SACS: variants seen among roughly 807,000 people sequenced by gnomAD.
SACS encodes the protein sacsin.
SACS carries 197 observed loss-of-function variants against 348.0 expected under a neutral mutation model. That is an observed-to-expected ratio of 0.57 (90% CI 0.50 to 0.64). The LOEUF (loss-of-function observed/expected upper bound fraction) is 0.64, where lower values mean the gene tolerates loss of function less well. Ranked by LOEUF, SACS falls within the 30% of genes least tolerant of loss-of-function variation. SACS has a pLI of 0.00. For missense variants in SACS, 4,999 were observed against 5,360.8 expected (o/e 0.93, Z 2.11); for synonymous variants, 1,985 against 1,910.6 (o/e 1.04, Z -1.02).
chr13:23,359,568 A>T (rs1018161580), intron 6 of SACS, among the ~76,000 whole-genome samples: 4 of 152,192 alleles, frequency 2.6e-5, no homozygotes, highest in African/African-American at 9.7e-5. Flanking sequence ...TCAAAAAGTA[A>T]TATTTATAAA....
chr13:23,379,841 G>C (rs1871968369), intron 2 of SACS, among the ~76,000 whole-genome samples: 1 of 152,174 alleles, frequency 6.6e-6, no homozygotes, highest in South Asian at 2.1e-4. Flanking sequence ...CCCAGATATT[G>C]TCTTCTATGA....
chr13:23,356,237 T>G (rs1870381379), intron 7 of SACS, among the ~76,000 whole-genome samples: 1 of 152,256 alleles, frequency 6.6e-6, no homozygotes, highest in Non-Finnish European at 1.5e-5. Context: ...GCATGATTAC[T>G]GTGAAAACCT....
intron 2 of SACS, among the ~76,000 whole-genome samples, chr13:23,398,420 G>C (rs926254963): frequency 6.6e-6 from 1 of 150,778 alleles, no homozygotes; most frequent in South Asian, 2.1e-4. Context: ...TGTAGTTCCA[G>C]CTACTCGGGG....
At position 23,331,657 on chromosome 13, in the gene SACS, A is replaced by T. The variant is rs1007835171; in HGVS notation, c.12219T>A (p.Phe4073Leu). 8.7e-6 allele frequency: 14 copies of T among 1,614,008 alleles called. No individual in the cohort carries two copies. Among genetic ancestry groups the T allele is most frequent in the Non-Finnish European group, 1.2e-5 (14 of 1,179,946 alleles). ...NPIPHSRSETFAFLKRFGNAV... is the reference protein window; with the variant it reads ...NPIPHSRSETLAFLKRFGNAV... ...CATTACCAAATCGCTTCAAAAAAGC[A>T]AAAGTTTCACTTCTGCTGTGGGGAA... Residue 4073 changes from phenylalanine to leucine, a missense_variant, in exon 10 of 10, where the codon TTT (phenylalanine) becomes TTA (leucine). This residue lies in a region of SACS where 831 missense variants were observed against 941.8 expected (regional missense o/e 0.88). Transcript: ENST00000382292.
chr13:23,374,560 T>C (rs1296535139), intron 3 of SACS, among the ~76,000 whole-genome samples: 1 of 152,212 alleles, frequency 6.6e-6, no homozygotes, highest in African/African-American at 2.4e-5. Context: ...TTTTAACCAA[T>C]CTTAAAGAAT....
chr13:23,334,111 T>TA lies in SACS; in HGVS notation c.9764dup (p.Ser3256LysfsTer14). 6.2e-7 allele frequency: 1 copy of TA among 1,613,784 alleles called. No individual in the cohort carries two copies. Among genetic ancestry groups the TA allele is most frequent in the Non-Finnish European group, 8.5e-7 (1 of 1,179,758 alleles). Reference sequence around the variant, plus strand: ...TTTCTTCCTGATCTTCTTTCACACTTACAGATTCACTAATAAAATGCCATG... The same window carrying TA: ...TTTCTTCCTGATCTTCTTTCACACTTAACAGATTCACTAATAAAATGCCATG... On this transcript the variant is annotated frameshift_variant, in exon 10 of 10. Transcript: ENST00000382292. LOFTEE classifies it high-confidence loss of function.
intron 4 of SACS, among the ~76,000 whole-genome samples, chr13:23,369,098 G>C (rs1409595527): frequency 6.6e-6 from 1 of 152,236 alleles, no homozygotes; most frequent in Admixed American, 6.5e-5. Flanking sequence ...GTGGGGAGGA[G>C]TGTTGATATT....
chr13:23,376,525 T>G (rs1871813491), intron 2 of SACS, among the ~76,000 whole-genome samples: 1 of 152,118 alleles, frequency 6.6e-6, no homozygotes, highest in Admixed American at 6.6e-5. Flanking sequence ...GATAATAAAT[T>G]GCCATTTCTC....
In SACS at chr13:23,336,882, T is replaced by C. The variant is rs776464539; in HGVS notation, c.6994A>G (p.Ile2332Val). The C allele has an allele frequency of 2.3e-5, 37 of 1,613,404 alleles. No individual in the cohort carries two copies. Among genetic ancestry groups the C allele is most frequent in the Non-Finnish European group, 3.0e-5 (35 of 1,179,548 alleles). Reference sequence around the variant, plus strand: ...TTATCAATAATTGACATCTTAGTGATTTCATTTTGCATCAAGGCTTCATGA... The same window carrying C: ...TTATCAATAATTGACATCTTAGTGACTTCATTTTGCATCAAGGCTTCATGA... ...YLHEALMQNE[I>V]TKMSIIDKLK... Residue 2332 changes from isoleucine to valine, a missense_variant, in exon 10 of 10, where the codon ATC (isoleucine) becomes GTC (valine). Physicochemically the swap from Ile to Val is conservative, Grantham distance 29 (BLOSUM62 3). This residue lies in a region of SACS where 3,156 missense variants were observed against 3,380.1 expected (regional missense o/e 0.93). Coordinates refer to ENST00000382292, the MANE Select transcript of SACS (RefSeq NM_014363.6).
chr13:23,432,139 C>G (rs1874455420), intron 1 of SACS, among the ~76,000 whole-genome samples: 1 of 152,146 alleles, frequency 6.6e-6, no homozygotes, highest in Non-Finnish European at 1.5e-5. Flanking sequence ...GAGATTGGAA[C>G]CCGGGGCTTC....
chr13:23,329,988 A>G lies in SACS; in HGVS notation c.*148T>C. 1.4e-6 allele frequency: 1 copy of G among 739,258 alleles called. No homozygotes were observed. The highest frequency in any genetic ancestry group is 2.2e-6 in the Non-Finnish European group (1 of 449,024). The allele number at this position is 739,258 out of a possible 1,614,324, so 45.8% of individuals were successfully genotyped here. A position where few individuals can be genotyped will look rare whatever the true frequency, so the allele number is the denominator to read the frequency against. On this transcript the variant is annotated 3_prime_UTR_variant, in exon 10 of 10. Transcript: ENST00000382292. ...CAGTTAAGGTTTTCCGTTGGTATTC[A>G]TGTTCATAACAACTCCAGAATTCTC... is the stretch of plus-strand genomic sequence containing the variant.
intron 8 of SACS, among the ~76,000 whole-genome samples, chr13:23,354,240 T>C (rs1870165756): frequency 6.6e-6 from 1 of 152,212 alleles, no homozygotes; most frequent in African/African-American, 2.4e-5. Context: ...CTTGTTATTA[T>C]TTGCACTTTA....
chr13:23,340,112 A>G lies in SACS; in HGVS notation c.3764T>C (p.Ile1255Thr), dbSNP rs759438466. ...YYQFQHILLE[I>T]YGFMHDHLNE... ...TAGATGATCATGCATGAATCCGTAAATCTCAAGCAAAATATGCTGGAATTG... is the reference window on the plus strand; with the variant it reads ...TAGATGATCATGCATGAATCCGTAAGTCTCAAGCAAAATATGCTGGAATTG... The change falls in exon 10 of 10, where the codon ATT (isoleucine) becomes ACT (threonine). Residue 1255 changes from isoleucine (I) to threonine (T), a missense_variant. Physicochemically the swap from Ile to Thr is moderately conservative, Grantham distance 89 (BLOSUM62 -1). Transcript: ENST00000382292. The G allele has an allele frequency of 3.1e-6, 5 of 1,613,966 alleles. No homozygotes were observed. Among genetic ancestry groups the G allele is most frequent in the Non-Finnish European group, 4.2e-6 (5 of 1,179,968 alleles).
chr13:23,405,858 G>C lies in SACS; in HGVS notation c.20+5362C>G, dbSNP rs112097337. ...ATGAGATACTGTCTCATGCCAGTTAGAATGGTGATCATTAAAAAGTCAGGA... is the reference window on the plus strand; with the variant it reads ...ATGAGATACTGTCTCATGCCAGTTACAATGGTGATCATTAAAAAGTCAGGA... On this transcript the variant is annotated intron_variant, in intron 2 of 9. Transcript: ENST00000382292. 8.7e-3 allele frequency among the ~76,000 whole-genome samples: 1,331 copies of C among 152,296 alleles called. 16 individuals are homozygous for C. The highest frequency in any genetic ancestry group is 0.03 in the African/African-American group (1,262 of 41,552).
chr13:23,351,754 G>A (rs996047371), intron 9 of SACS, among the ~76,000 whole-genome samples: 1 of 152,030 alleles, frequency 6.6e-6, no homozygotes, highest in Non-Finnish European at 1.5e-5. Flanking sequence ...AAAGAAAAGT[G>A]ACCATCAAGA....
chr13:23,374,290 T>C (rs973341813), intron 3 of SACS, among the ~76,000 whole-genome samples: 4 of 152,182 alleles, frequency 2.6e-5, no homozygotes, highest in Non-Finnish European at 5.9e-5. Context: ...AGGATTACAC[T>C]GAAGCAGGAA....
chr13:23,424,904 T>C (rs1380621723), intron 1 of SACS, among the ~76,000 whole-genome samples: 1 of 152,264 alleles, frequency 6.6e-6, no homozygotes, highest in Non-Finnish European at 1.5e-5. Flanking sequence ...ATTAGGCCTA[T>C]ATATGAACAT....
chr13:23,331,632 C>A lies in SACS; in HGVS notation c.12244G>T (p.Ala4082Ser). ...TFAFLKRFGN[A>S]VILLYIQHSD... The stretch of plus-strand genomic sequence containing the variant: ...TGTTGAATGTAGAGCAAGATGACTG[C>A]ATTACCAAATCGCTTCAAAAAAGCA... Residue 4082 changes from alanine to serine, a missense_variant, in exon 10 of 10, where the codon GCA (alanine) becomes TCA (serine). Ala to Ser is a moderately conservative substitution (Grantham distance 99). Around this residue, in one of 6 missense-constraint regions of SACS, gnomAD observed 831 missense variants for 941.8 expected, o/e 0.88. Transcript: ENST00000382292. 3 of 1,613,970 alleles carry A rather than the reference C, an allele frequency of 1.9e-6. No individual in the cohort carries two copies. Among genetic ancestry groups the A allele is most frequent in the Non-Finnish European group, 2.5e-6 (3 of 1,179,936 alleles).
intron 2 of SACS, among the ~76,000 whole-genome samples, chr13:23,391,240 G>A (rs1872516701): frequency 6.6e-6 from 1 of 152,220 alleles, no homozygotes; most frequent in East Asian, 1.9e-4. Context: ...GAGGTCAAGA[G>A]GCACGGAAGT....
Sources: gnomAD v4.1 joint callset for allele counts (sites outside exome capture counted in the v4.1 genomes callset) on GRCh38, gnomAD v4.1.1 for gene constraint, gnomAD v4.1.1 regional missense constraint, MANE v1.5 for transcripts, NCBI Gene and HGNC (gene_info 2026-07-23, HGNC 2026-07-21) for gene names.